DNAJC12: variants seen among roughly 807,000 people sequenced by gnomAD.
DNAJC12 encodes dnaJ homolog subfamily C member 12.
Under a neutral mutation model 28.5 loss-of-function variants are expected in DNAJC12, and 25 were observed. The ratio of observed to expected loss-of-function variants is 0.88; its 90% CI spans 0.64 to 1.22. The LOEUF is 1.22. DNAJC12 is among the 50% of genes most tolerant of loss of function. The pLI is 0.00. For missense variants in DNAJC12, 222 were observed against 231.7 expected, an observed-to-expected ratio of 0.96 and a Z score of 0.27; for synonymous variants, 77 against 80.6, an observed-to-expected ratio of 0.95 and a Z score of 0.24.
chr10:67,819,856 A>G (rs1841966417), intron 2 of DNAJC12, among the ~76,000 whole-genome samples: 1 of 151,434 alleles, frequency 6.6e-6, no homozygotes, highest in African/African-American at 2.4e-5. Context: ...ATTGTGCAGA[A>G]TAGGTGTCCT....
intron 1 of DNAJC12, 34 bp from the exon 2 acceptor site, chr10:67,823,426 C>G (rs751725302): frequency 6.3e-7 from 1 of 1,596,246 alleles, no homozygotes; most frequent in Non-Finnish European, 8.6e-7. Flanking sequence ...AATAAAGAGT[C>G]ATGCCAGGCG....
intron 4 of DNAJC12, among the ~76,000 whole-genome samples, chr10:67,801,010 T>A (rs1841738619): frequency 6.6e-6 from 1 of 152,192 alleles, no homozygotes; most frequent in Non-Finnish European, 1.5e-5. Flanking sequence ...ATTTTAGAAC[T>A]GTATTTATCA....
intron 4 of DNAJC12, among the ~76,000 whole-genome samples, chr10:67,801,612 A>C (rs1255081579): frequency 6.6e-6 from 1 of 151,944 alleles, no homozygotes; most frequent in African/African-American, 2.4e-5. Flanking sequence ...CAACATGGTG[A>C]AACCCCATCT....
chr10:67,820,929 A>G (rs1841975633), intron 2 of DNAJC12, among the ~76,000 whole-genome samples: 1 of 151,858 alleles, frequency 6.6e-6, no homozygotes, highest in South Asian at 2.1e-4. Flanking sequence ...GATTACACGC[A>G]TGCGCCACTA....
At chr10:67,797,569 G>T (rs561556136) in intron 4 of DNAJC12, among the ~76,000 whole-genome samples, 1 of 152,198 alleles carries the variant, frequency 6.6e-6, no homozygotes, top group Admixed American at 6.5e-5. Flanking sequence ...CAAAAGGATC[G>T]CTTGAAATAC....
intron 3 of DNAJC12, among the ~76,000 whole-genome samples, chr10:67,809,078 T>A (rs905640215): frequency 1.7e-4 from 26 of 152,192 alleles, no homozygotes; most frequent in African/African-American, 6.3e-4. Flanking sequence ...TGTCAAATGA[T>A]CAATTCACCA....
chr10:67,808,001 T>TTCAA (rs1374873587), intron 3 of DNAJC12, among the ~76,000 whole-genome samples: 2 of 152,194 alleles, frequency 1.3e-5, no homozygotes, highest in Admixed American at 6.5e-5. Flanking sequence ...CGCTTTGTAG[T>TTCAA]TCAATCAAAG....
chr10:67,808,581 G>A (rs1368859352), intron 3 of DNAJC12: 1 of 151,964 alleles, frequency 6.6e-6, no homozygotes, highest in Admixed American at 6.6e-5. Context: ...AAGACAACAG[G>A]CACGTTCGCG....
At chr10:67,801,833 A>ATTTTTTTT (rs1554883625) in intron 4 of DNAJC12, among the ~76,000 whole-genome samples, 1 of 54,494 alleles carries the variant, frequency 1.8e-5, no homozygotes, top group South Asian at 6.7e-4. Flanking sequence ...CCTCCACTTC[A>ATTTTTTTT]TTCTTTTTTT....
rs187806475 is a variant in DNAJC12, at chr10:67,799,441, T to C, written c.503-2231A>G. Among the ~76,000 whole-genome samples, 496 of 152,338 alleles carry C rather than the reference T, an allele frequency of 3.3e-3. 2 individuals are homozygous for C. The highest frequency in any genetic ancestry group is 0.011 in the African/African-American group (472 of 41,592). ...CAAAATATGTACAGTATGATCCTTT[T>C]AGATATACTAACACAAATGAAAATA... On this transcript the variant is annotated intron_variant, in intron 4 of 4. Coordinates refer to ENST00000225171, the MANE Select transcript of DNAJC12 (RefSeq NM_021800.3).
At position 67,800,742 on chromosome 10, in the gene DNAJC12, G is replaced by A. The variant is rs929555900; in HGVS notation, c.503-3532C>T. On this transcript the variant is annotated intron_variant, in intron 4 of 4. Coordinates refer to ENST00000225171, the MANE Select transcript of DNAJC12 (RefSeq NM_021800.3). Reference sequence around the variant, plus strand: ...GGGCAGATCACGAGGTCAGGAGTTCGAGACCAGCCTGGCCAACATGGTGAA... The same window carrying A: ...GGGCAGATCACGAGGTCAGGAGTTCAAGACCAGCCTGGCCAACATGGTGAA... Among the ~76,000 whole-genome samples the A allele has an allele frequency of 1.1e-4, 17 of 152,062 alleles. 1 individual carries two copies. The highest frequency in any genetic ancestry group is 7.9e-4 in the Admixed American group (12 of 15,268).
intron 2 of DNAJC12, among the ~76,000 whole-genome samples, chr10:67,812,947 G>A (rs562959401): frequency 4.6e-5 from 7 of 152,068 alleles, no homozygotes; most frequent in African/African-American, 1.7e-4. Context: ...GTTGGAACCC[G>A]TGAGGCAGAG....
intron 1 of DNAJC12, among the ~76,000 whole-genome samples, chr10:67,832,003 C>G (rs1414804939): frequency 6.6e-6 from 1 of 152,182 alleles, no homozygotes; most frequent in African/African-American, 2.4e-5. Context: ...CAGTGGCTTA[C>G]GCCTGTAATC....
intron 2 of DNAJC12, among the ~76,000 whole-genome samples, chr10:67,815,508 C>CAAAAAAAAAAAAAAAAA (rs762037586): frequency 4.6e-5 from 3 of 65,776 alleles, no homozygotes; most frequent in African/African-American, 1.1e-4. Context: ...TACTTCGTCT[C>CAAAAAAAAAAAAAAAAA]AAAAAAAAAA....
intron 2 of DNAJC12, among the ~76,000 whole-genome samples, chr10:67,819,775 GAAGGGGAAGGAAGGAA>G (rs1841964327): frequency 5.6e-5 from 1 of 17,776 alleles, no homozygotes; most frequent in African/African-American, 1.9e-4. Flanking sequence ...AGGAAGGAAG[GAAGGGGAAGGAAGGAA>G]GGAAGGAAGG....
intron 3 of DNAJC12, among the ~76,000 whole-genome samples, chr10:67,808,155 G>A (rs923574853): frequency 1.3e-5 from 2 of 152,090 alleles, no homozygotes; most frequent in Non-Finnish European, 2.9e-5. Flanking sequence ...AACATCAAGC[G>A]AACTAGTCTA....
At chr10:67,809,963 T>C (rs577771845) in intron 3 of DNAJC12, among the ~76,000 whole-genome samples, 2 of 152,272 alleles carry the variant, frequency 1.3e-5, no homozygotes, top group East Asian at 3.9e-4. Context: ...TCCATGTGTC[T>C]AAAAACCACT....
At chr10:67,830,817 C>T (rs1842086131) in intron 1 of DNAJC12, among the ~76,000 whole-genome samples, 1 of 152,064 alleles carries the variant, frequency 6.6e-6, no homozygotes, top group Non-Finnish European at 1.5e-5. Flanking sequence ...CCCAAGGTCA[C>T]ACAGCTAATA....
intron 3 of DNAJC12, among the ~76,000 whole-genome samples, chr10:67,806,144 T>C (rs1407059251): frequency 2.6e-5 from 4 of 152,186 alleles, no homozygotes; most frequent in Non-Finnish European, 5.9e-5. Context: ...ATCAAGAATA[T>C]TTCAAGTGGA....
Sources: gnomAD v4.1 joint callset for allele counts (sites outside exome capture counted in the v4.1 genomes callset) on GRCh38, gnomAD v4.1.1 for gene constraint, MANE v1.5 for transcripts, NCBI Gene and HGNC (gene_info 2026-07-23, HGNC 2026-07-21) for gene names.